JAZF1: variants seen among roughly 807,000 people sequenced by gnomAD.
The protein encoded by JAZF1 is JAZF zinc finger 1.
A neutral mutation model predicts 26.4 loss-of-function variants in JAZF1; 8 were observed. That is an observed-to-expected ratio of 0.30 (90% confidence interval 0.18 to 0.55). JAZF1 has a LOEUF of 0.55. Among genes scored for constraint, JAZF1 ranks in the 20% least tolerant of loss-of-function variants. The pLI is 0.94. For missense variants in JAZF1, 199 were observed against 322.0 expected, an observed-to-expected ratio of 0.62 and a Z score of 2.92; for synonymous variants, 126 against 122.3, an observed-to-expected ratio of 1.03 and a Z score of -0.20.
At chr7:27,990,694 T>C (rs1031344816) in intron 2 of JAZF1, among the ~76,000 whole-genome samples, 38 of 152,198 alleles carry the variant, frequency 2.5e-4, no homozygotes, top group Admixed American at 1.7e-3. Context: ...TTATTAGTTA[T>C]ATTAATTCAT....
intron 3 of JAZF1, among the ~76,000 whole-genome samples, chr7:27,891,597 C>T (rs536859367): frequency 1.2e-4 from 18 of 152,242 alleles, no homozygotes; most frequent in African/African-American, 4.3e-4. Flanking sequence ...GAGGCAGAGG[C>T]AGGAGGATTG....
chr7:28,081,242 A>G (rs1396663013), intron 1 of JAZF1, among the ~76,000 whole-genome samples: 1 of 152,210 alleles, frequency 6.6e-6, no homozygotes, highest in African/African-American at 2.4e-5. Context: ...GAATGGAGCC[A>G]GCCCCTCCCC....
intron 3 of JAZF1, among the ~76,000 whole-genome samples, chr7:27,851,332 G>A (rs1783145934): frequency 6.6e-6 from 1 of 152,150 alleles, no homozygotes; most frequent in Admixed American, 6.5e-5. Context: ...ACTTTACTAT[G>A]TAAGTTTTAA....
At chr7:27,946,137 G>A (rs1244770816) in intron 2 of JAZF1, among the ~76,000 whole-genome samples, 1 of 152,158 alleles carries the variant, frequency 6.6e-6, no homozygotes, top group Non-Finnish European at 1.5e-5. Flanking sequence ...TGTTTGGTAG[G>A]TTAGGTGTAT....
intron 3 of JAZF1, among the ~76,000 whole-genome samples, chr7:27,876,046 T>C (rs1340473388): frequency 1.3e-5 from 2 of 152,200 alleles, no homozygotes; most frequent in South Asian, 2.1e-4. Flanking sequence ...CTGGGGCATG[T>C]TACCTAATGT....
At chr7:28,137,749 C>T (rs1252993837) in intron 1 of JAZF1, among the ~76,000 whole-genome samples, 4 of 152,164 alleles carry the variant, frequency 2.6e-5, no homozygotes, top group African/African-American at 9.7e-5. Flanking sequence ...TGGCCAACTT[C>T]GATCCTTTGA....
intron 3 of JAZF1, among the ~76,000 whole-genome samples, chr7:27,869,286 ACC>A (rs59342173): frequency 0.19 from 29,152 of 152,036 alleles, 2,941 homozygotes; most frequent in Middle Eastern, 0.27. Flanking sequence ...AGGACCCCGC[ACC>A]CTGCTGTGAA....
chr7:27,941,686 A>G (rs1049403928), intron 2 of JAZF1, among the ~76,000 whole-genome samples: 6 of 152,210 alleles, frequency 3.9e-5, no homozygotes, highest in Non-Finnish European at 8.8e-5. Flanking sequence ...TTTTATTAGC[A>G]AACTGTCAAA....
rs1361996981 is a variant in JAZF1 at position 28,076,417 on chromosome 7, A to AG, written c.116-84437dup. On this transcript the variant is annotated intron_variant, in intron 1 of 4. Transcript: ENST00000283928. ...ATATACCACCCATACACTTGGGGTA[A>AG]GGCCAAAGGTTCAATGCAGGCTAAC... is the stretch of plus-strand genomic sequence containing the variant. 2.0e-5 allele frequency among the ~76,000 whole-genome samples: 3 copies of AG among 152,326 alleles called. No individual in the cohort carries two copies. The East Asian group carries it at 5.8e-4, about 29-fold the overall frequency.
chr7:28,029,786 A>C (rs1489525033), intron 1 of JAZF1, among the ~76,000 whole-genome samples: 1 of 152,212 alleles, frequency 6.6e-6, no homozygotes, highest in East Asian at 1.9e-4. Flanking sequence ...TTTGCTGACA[A>C]GGTGAAGAAC....
chr7:28,156,674 G>A (rs1481881658), intron 1 of JAZF1, among the ~76,000 whole-genome samples: 1 of 152,150 alleles, frequency 6.6e-6, no homozygotes, highest in Non-Finnish European at 1.5e-5. Context: ...GATTTCGTAG[G>A]TGTGGGGCAA....
rs1177269536 is a variant in JAZF1 at position 27,847,842 on chromosome 7, A to AT, written c.386-6976dup. 2.0e-5 allele frequency among the ~76,000 whole-genome samples: 3 copies of AT among 151,844 alleles called. No individual in the cohort carries two copies. The East Asian group carries it at 5.8e-4, about 29-fold the overall frequency. ...GCCACCATGCCCAGCTAATTTTTGT[A>AT]TTTTTTGTGGAGACAGGGTTTTGCT... On this transcript the variant is annotated intron_variant, in intron 3 of 4. Transcript: ENST00000283928.
At chr7:28,037,830 C>A (rs904022183) in intron 1 of JAZF1, among the ~76,000 whole-genome samples, 1 of 152,134 alleles carries the variant, frequency 6.6e-6, no homozygotes, top group African/African-American at 2.4e-5. Context: ...AGGAATCTTT[C>A]GCTGAGTTGG....
At chr7:27,846,036 G>C (rs1460974535) in intron 3 of JAZF1, among the ~76,000 whole-genome samples, 2 of 152,068 alleles carry the variant, frequency 1.3e-5, no homozygotes, top group African/African-American at 4.8e-5. Context: ...CCAGAGGAAA[G>C]CTTTCTCACC....
intron 1 of JAZF1, among the ~76,000 whole-genome samples, chr7:28,051,194 T>G (rs2128380062): frequency 6.7e-6 from 1 of 149,282 alleles, no homozygotes; most frequent in East Asian, 2.0e-4. Context: ...TTTAAGAAAC[T>G]ATTGCTGTAT....
chr7:28,000,763 C>T (rs1786138967), intron 1 of JAZF1, among the ~76,000 whole-genome samples: 1 of 151,626 alleles, frequency 6.6e-6, no homozygotes, highest in South Asian at 2.1e-4. Flanking sequence ...GGATTACAGG[C>T]ATCCGCCACC....
intron 3 of JAZF1, among the ~76,000 whole-genome samples, chr7:27,887,028 C>G (rs1783880241): frequency 6.6e-6 from 1 of 152,068 alleles, no homozygotes; most frequent in Non-Finnish European, 1.5e-5. Flanking sequence ...CATGTTCTTA[C>G]TTATAAGTGG....
intron 1 of JAZF1, among the ~76,000 whole-genome samples, chr7:28,032,276 T>G (rs983771270): frequency 6.6e-6 from 1 of 152,202 alleles, no homozygotes; most frequent in Non-Finnish European, 1.5e-5. Flanking sequence ...ACACTGGCAC[T>G]GCACATTTTG....
chr7:27,956,717 G>A (rs932404742), intron 2 of JAZF1, among the ~76,000 whole-genome samples: 4 of 152,192 alleles, frequency 2.6e-5, no homozygotes, highest in Admixed American at 1.3e-4. Flanking sequence ...CCAAAAGGAG[G>A]ATGGGGTGAA....
Sources: gnomAD v4.1 joint callset for allele counts (sites outside exome capture counted in the v4.1 genomes callset) on GRCh38, gnomAD v4.1.1 for gene constraint, MANE v1.5 for transcripts, NCBI Gene and HGNC (gene_info 2026-07-23, HGNC 2026-07-21) for gene names.